Variants in GAB1 observed in about 807,000 individuals in gnomAD.
GAB1 encodes the protein GRB2 associated binding protein 1, also known as GRB2-associated-binding protein 1.
In GAB1, 19 loss-of-function variants were observed where a neutral mutation model predicts 66.5. The ratio of observed to expected loss-of-function variants is 0.29; its 90% confidence interval spans 0.20 to 0.42. GAB1 has a LOEUF of 0.42. Among genes scored for constraint, GAB1 ranks in the 10% least tolerant of loss-of-function variants. The probability of loss-of-function intolerance (pLI) is 1.00; values close to 1 mark genes in which losing one functional copy is unlikely to be tolerated. For synonymous variants in GAB1, 294 were observed against 301.4 expected (o/e 0.98, Z 0.25); for missense variants, 732 against 858.5 (o/e 0.85, Z 1.84).
chr4:143,373,665 C>T lies in GAB1; in HGVS notation c.72+36405C>T, dbSNP rs554059740. Among the ~76,000 whole-genome samples, 19 of 151,772 alleles carry T rather than the reference C, an allele frequency of 1.3e-4. No individual in the cohort carries two copies. The South Asian group carries it at 4.0e-3, about 32-fold the overall frequency. Reference sequence around the variant, plus strand: ...GCAACATGGCAAAAATGCAAATCCACAAAAAATCCAAAAATTAGCCGGCCA... The same window carrying T: ...GCAACATGGCAAAAATGCAAATCCATAAAAAATCCAAAAATTAGCCGGCCA... On this transcript the variant is annotated intron_variant, in intron 1 of 9. Coordinates refer to ENST00000262994, the MANE Select transcript of GAB1 (RefSeq NM_002039.4).
In GAB1 at chr4:143,470,579, G is replaced by T. The variant is rs939152556; in HGVS notation, c.*1390G>T. 9 of 152,194 alleles carry T rather than the reference G, an allele frequency of 5.9e-5. No homozygotes were observed. The highest frequency in any genetic ancestry group is 2.2e-4 in the African/African-American group (9 of 41,446). The allele number at this position is 152,194 out of a possible 1,614,324, so 9.4% of individuals were successfully genotyped here. ...TTGTAGTGAGGCTACAATTATATTC[G>T]TCTGTCTTGGCTTTGCAACATAATT... On this transcript the variant is annotated 3_prime_UTR_variant, in exon 10 of 10. Coordinates refer to ENST00000262994, the MANE Select transcript of GAB1 (RefSeq NM_002039.4).
chr4:143,415,140 G>A (rs28925894), intron 1 of GAB1, among the ~76,000 whole-genome samples: 4,365 of 152,120 alleles, frequency 0.029, 213 homozygotes, highest in African/African-American at 0.1. Flanking sequence ...TTTTGCGTAT[G>A]GATTTCTAGT....
intron 1 of GAB1, among the ~76,000 whole-genome samples, chr4:143,362,452 G>C (rs993349695): frequency 4.6e-5 from 7 of 152,120 alleles, no homozygotes; most frequent in Admixed American, 6.5e-5. Flanking sequence ...GCAGCCCGAG[G>C]GCTGCTGGTT....
At chr4:143,445,103 T>C (rs111405468) in intron 6 of GAB1, among the ~76,000 whole-genome samples, 12,255 of 152,228 alleles carry the variant, frequency 0.081, 977 homozygotes, top group African/African-American at 0.21. Context: ...TTTGGATATA[T>C]ACCCAGTAAT....
chr4:143,378,352 G>A (rs543994667), intron 1 of GAB1, among the ~76,000 whole-genome samples: 1 of 152,300 alleles, frequency 6.6e-6, no homozygotes, highest in African/African-American at 2.4e-5. Flanking sequence ...GGGGATAGTT[G>A]TGTGGATCAG....
At chr4:143,342,165 A>G (rs1728842459) in intron 1 of GAB1, among the ~76,000 whole-genome samples, 1 of 152,214 alleles carries the variant, frequency 6.6e-6, no homozygotes, top group Non-Finnish European at 1.5e-5. Flanking sequence ...CCTGGGCTGA[A>G]TGATAAGTGT....
rs1489984919 is a variant in GAB1 at position 143,474,446 on chromosome 4, T to C, written c.*5257T>C. The C allele has an allele frequency of 6.6e-6, 1 of 152,200 alleles. No homozygotes were observed. The highest frequency in any genetic ancestry group is 6.6e-5 in the Admixed American group (1 of 15,262). 9.4% of individuals were successfully genotyped at this position (152,200 alleles called of 1,614,324 possible). ...TGGTTAATATTATGTGTCAACTTGG[T>C]GAGGCTATGGCGCCCATGTGTTTGG... On this transcript the variant is annotated 3_prime_UTR_variant, in exon 10 of 10. Transcript: ENST00000262994.
chr4:143,414,779 T>G (rs1732590826), intron 1 of GAB1, among the ~76,000 whole-genome samples: 1 of 152,350 alleles, frequency 6.6e-6, no homozygotes, highest in African/African-American at 2.4e-5. Context: ...GAAAATCTGT[T>G]GCTTTTTTAA....
chr4:143,426,285 A>G (rs1033644705), intron 2 of GAB1, among the ~76,000 whole-genome samples: 4 of 152,172 alleles, frequency 2.6e-5, no homozygotes, highest in African/African-American at 9.7e-5. Flanking sequence ...GACTTGACAC[A>G]AAGTCTGTAA....
At chr4:143,456,043 G>T (rs1735168232) in intron 6 of GAB1, among the ~76,000 whole-genome samples, 1 of 152,140 alleles carries the variant, frequency 6.6e-6, no homozygotes, top group African/African-American at 2.4e-5. Context: ...TTCATAAAAT[G>T]AAGAAACTAG....
chr4:143,433,680 T>C lies in GAB1; in HGVS notation c.557T>C (p.Leu186Pro). 1 of 1,613,988 alleles carries C rather than the reference T, an allele frequency of 6.2e-7. No individual in the cohort carries two copies. The highest frequency in any genetic ancestry group is 8.5e-7 in the Non-Finnish European group (1 of 1,179,898). ...GAGGATCCTCAAGACTACCTGTTGC[T>C]CATCAACTGTCAAAGCAAGAAGCCC... ...IQEDPQDYLL[L>P]INCQSKKPEP... is the part of the protein sequence containing the mutation. The change falls in exon 3 of 10, where the codon CTC becomes CCC. Residue 186 changes from leucine (L) to proline (P), a missense_variant. Leu to Pro is a moderately conservative substitution (Grantham distance 98). Transcript: ENST00000262994.
intron 9 of GAB1, among the ~76,000 whole-genome samples, chr4:143,467,568 A>G (rs1735858609): frequency 1.3e-5 from 2 of 152,010 alleles, no homozygotes; most frequent in African/African-American, 4.8e-5. Flanking sequence ...ATCTGTGTAT[A>G]TTGTTTCTCC....
At chr4:143,416,160 C>T (rs1732671867) in intron 2 of GAB1, among the ~76,000 whole-genome samples, 1 of 152,204 alleles carries the variant, frequency 6.6e-6, no homozygotes. Context: ...AATCCCAGCA[C>T]TCTGGGAGGC....
At chr4:143,387,658 C>G (rs910859369) in intron 1 of GAB1, among the ~76,000 whole-genome samples, 14 of 152,148 alleles carry the variant, frequency 9.2e-5, no homozygotes, top group African/African-American at 3.1e-4. Flanking sequence ...AGGTCAGACT[C>G]TTTCCTCCCA....
intron 9 of GAB1, among the ~76,000 whole-genome samples, chr4:143,467,348 G>A (rs761034908): frequency 1.2e-4 from 18 of 152,142 alleles, no homozygotes; most frequent in African/African-American, 4.8e-5. Flanking sequence ...ACTACAATAC[G>A]TCTAGACATA....
chr4:143,391,928 C>T (rs932252826), intron 1 of GAB1, among the ~76,000 whole-genome samples: 7 of 152,262 alleles, frequency 4.6e-5, no homozygotes, highest in African/African-American at 9.6e-5. Flanking sequence ...TACCTCCTTA[C>T]GTTACTTTAT....
Position 143,460,459 on chromosome 4 carries a change from T to A in GAB1, c.1775T>A (p.Met592Lys). 1 of 1,613,892 alleles carries A rather than the reference T, an allele frequency of 6.2e-7. No individual in the cohort carries two copies. Among genetic ancestry groups the A allele is most frequent in the Non-Finnish European group, 8.5e-7 (1 of 1,179,808 alleles). The part of the protein sequence containing the change: ...SHDSEENYVP[M>K]NPNLSSEDPN... ...GACAGTGAAGAGAATTATGTTCCCA[T>A]GAACCCAAACCTGTCCAGTGAAGAC... Residue 592 changes from methionine to lysine, a missense_variant, in exon 8 of 10, where the codon ATG becomes AAG. By Grantham distance (95) the Met-to-Lys change is moderately conservative. Transcript: ENST00000262994.
intron 1 of GAB1, among the ~76,000 whole-genome samples, chr4:143,394,228 C>T (rs550797749): frequency 2.6e-5 from 4 of 152,140 alleles, no homozygotes; most frequent in South Asian, 4.2e-4. Context: ...GAGCCGAGAT[C>T]GTGCTACTGC....
At chr4:143,467,917 T>C (rs1043874134) in intron 9 of GAB1, among the ~76,000 whole-genome samples, 2 of 152,248 alleles carry the variant, frequency 1.3e-5, no homozygotes, top group African/African-American at 4.8e-5. Context: ...CATTTCACTT[T>C]CTAGTGAGCG....
Sources: allele counts gnomAD v4.1 joint callset (sites outside exome capture counted in the v4.1 genomes callset), GRCh38; gene constraint gnomAD v4.1.1; transcripts MANE v1.5; gene names NCBI Gene and HGNC (gene_info 2026-07-23, HGNC 2026-07-21).